Variants in IGSF21 observed in about 807,000 individuals in gnomAD.
The protein encoded by IGSF21 is immunoglobulin superfamily member 21.
Under a neutral mutation model 46.8 loss-of-function variants are expected in IGSF21, and 28 were observed. The ratio of observed to expected loss-of-function variants is 0.60; its 90% CI spans 0.44 to 0.82. The LOEUF (loss-of-function observed/expected upper bound fraction) is 0.82, where lower values mean the gene tolerates loss of function less well. Among genes scored for constraint, IGSF21 ranks in the 40% least tolerant of loss-of-function variants. The pLI is 0.00. For synonymous variants in IGSF21, 284 were observed against 273.6 expected (o/e 1.04, Z -0.38); for missense variants, 624 against 665.5 (o/e 0.94, Z 0.69).
intron 6 of IGSF21, among the ~76,000 whole-genome samples, chr1:18,371,028 T>C (rs2086218629): frequency 6.6e-6 from 1 of 152,208 alleles, no homozygotes; most frequent in Non-Finnish European, 1.5e-5. Context: ...CTTACAAAGA[T>C]AAAAATATTT....
chr1:18,359,207 G>A (rs1048529304), intron 4 of IGSF21, among the ~76,000 whole-genome samples: 2 of 151,342 alleles, frequency 1.3e-5, no homozygotes, highest in African/African-American at 4.9e-5. Context: ...GAGCCCAGGA[G>A]GTCAAGGCTG....
chr1:18,124,722 A>G (rs2086261345), intron 1 of IGSF21, among the ~76,000 whole-genome samples: 1 of 152,086 alleles, frequency 6.6e-6, no homozygotes, highest in African/African-American at 2.4e-5. Flanking sequence ...TGGCCTCGTT[A>G]TTATTATTAC....
At position 18,365,314 on chromosome 1, in the gene IGSF21, C is replaced by T; in HGVS notation, c.632C>T (p.Pro211Leu). 1 of 1,614,120 alleles carries T rather than the reference C, an allele frequency of 6.2e-7. No individual in the cohort carries two copies. Residue 211 changes from proline (P) to leucine (L), a missense_variant, in exon 6 of 10, where the codon CCC (proline) becomes CTC (leucine). By Grantham distance (98) the Pro-to-Leu change is moderately conservative. Coordinates refer to ENST00000251296, the MANE Select transcript of IGSF21 (RefSeq NM_032880.5). The surrounding 1 kb of genome is among the most constrained non-coding windows in gnomAD (Gnocchi z 4.8). Reference sequence around the variant, plus strand: ...TCCGGCCCCCTACAGGACAGCAGGCCCTTCCGCAGCCTTCTGCACCGTGAC... The same window carrying T: ...TCCGGCCCCCTACAGGACAGCAGGCTCTTCCGCAGCCTTCTGCACCGTGAC... ...ASSGPLQDSR[P>L]FRSLLHRDLD...
In IGSF21 at chr1:18,337,005, A is replaced by T. The variant is rs2085775366; in HGVS notation, c.424+1995A>T. Among the ~76,000 whole-genome samples the T allele has an allele frequency of 1.3e-5, 2 of 152,208 alleles. No homozygotes were observed. Among genetic ancestry groups the T allele is most frequent in the Non-Finnish European group, 2.9e-5 (2 of 68,028 alleles). On this transcript the variant is annotated intron_variant, in intron 4 of 9. Transcript: ENST00000251296. The surrounding 1 kb of genome is among the most constrained non-coding windows in gnomAD (Gnocchi z 5.7). ...AAAGACCGACCCCTATGATTCAGTT[A>T]TCTCCCACTAGGTCCCTCCTACAAC... is the stretch of plus-strand genomic sequence containing the variant.
At chr1:18,360,982 T>G (rs527528675) in intron 4 of IGSF21, among the ~76,000 whole-genome samples, 17 of 152,174 alleles carry the variant, frequency 1.1e-4, no homozygotes, top group Admixed American at 5.9e-4. Flanking sequence ...CCACGGTGTC[T>G]GGGAGCAAGG....
intron 2 of IGSF21, among the ~76,000 whole-genome samples, chr1:18,256,627 C>T (rs1266905776): frequency 6.6e-6 from 1 of 152,178 alleles, no homozygotes; most frequent in Admixed American, 6.5e-5. Flanking sequence ...GTCTGACATT[C>T]TGAATCCACG....
At chr1:18,319,818 A>G (rs1279082098) in intron 3 of IGSF21, among the ~76,000 whole-genome samples, 2 of 152,032 alleles carry the variant, frequency 1.3e-5, no homozygotes, top group Non-Finnish European at 1.5e-5. Flanking sequence ...AGCACTCCCT[A>G]TCCCTGTCCT....
chr1:18,124,930 A>G (rs2086263486), intron 1 of IGSF21, among the ~76,000 whole-genome samples: 1 of 152,138 alleles, frequency 6.6e-6, no homozygotes, highest in Non-Finnish European at 1.5e-5. Flanking sequence ...GTGACCAGGG[A>G]GATGTCATCC....
At chr1:18,317,345 G>A (rs1190464713) in intron 3 of IGSF21, among the ~76,000 whole-genome samples, 3 of 152,120 alleles carry the variant, frequency 2.0e-5, no homozygotes, top group Non-Finnish European at 4.4e-5. Context: ...CAGATTAAGA[G>A]ACATTGCACA....
chr1:18,341,652 G>A (rs1243372609), intron 4 of IGSF21, among the ~76,000 whole-genome samples: 2 of 152,214 alleles, frequency 1.3e-5, no homozygotes, highest in African/African-American at 4.8e-5. Flanking sequence ...AAGAAATTGA[G>A]AGGTAATGTC....
chr1:18,214,825 C>G (rs1273834477), intron 1 of IGSF21, among the ~76,000 whole-genome samples: 1 of 152,184 alleles, frequency 6.6e-6, no homozygotes, highest in African/African-American at 2.4e-5. Context: ...CTTACTGCAA[C>G]TTTGCCTCCC....
rs1246035606 is a variant in IGSF21, at chr1:18,273,855, G to A, written c.184-18011G>A. On this transcript the variant is annotated intron_variant, in intron 2 of 9. Transcript: ENST00000251296. ...CTGGGACCTGAGATAGGAGCTGCCC[G>A]TGCTACCTCTCAGGCTCTATTAGGA... 6.6e-5 allele frequency among the ~76,000 whole-genome samples: 10 copies of A among 152,222 alleles called. No homozygotes were observed. In the South Asian group the frequency reaches 1.7e-3, roughly 25 times the overall value.
chr1:18,277,032 AAGAGAC>A (rs771122266), intron 2 of IGSF21, among the ~76,000 whole-genome samples: 34 of 152,260 alleles, frequency 2.2e-4, no homozygotes, highest in Non-Finnish European at 4.4e-4. Context: ...GTGTTGGGGA[AAGAGAC>A]AGGACTGAGA....
intron 1 of IGSF21, among the ~76,000 whole-genome samples, chr1:18,153,451 C>T (rs532975362): frequency 2.4e-4 from 36 of 152,300 alleles, no homozygotes; most frequent in Admixed American, 1.5e-3. Flanking sequence ...TCAAAAGGCC[C>T]CAGGCCTAGG....
intron 4 of IGSF21, among the ~76,000 whole-genome samples, chr1:18,350,629 G>A (rs955238725): frequency 2.0e-5 from 3 of 151,968 alleles, no homozygotes; most frequent in Non-Finnish European, 2.9e-5. Context: ...CCAATGTCAA[G>A]GGGAAAAAAA....
chr1:18,114,838 C>G (rs1243195865), intron 1 of IGSF21: 1 of 152,172 alleles, frequency 6.6e-6, no homozygotes, highest in East Asian at 1.9e-4. Context: ...ATCCTCAACC[C>G]ATTGCTGGAC....
intron 2 of IGSF21, among the ~76,000 whole-genome samples, chr1:18,235,817 G>T (rs956170872): frequency 1.3e-5 from 2 of 152,194 alleles, no homozygotes; most frequent in South Asian, 4.1e-4. Flanking sequence ...GGTTTGCAGA[G>T]GAGGTGAGAA....
At chr1:18,200,132 G>A (rs1570328903) in intron 1 of IGSF21, among the ~76,000 whole-genome samples, 1 of 152,294 alleles carries the variant, frequency 6.6e-6, no homozygotes, top group East Asian at 1.9e-4. Flanking sequence ...TCACATCCGG[G>A]CTCTTGCGTC....
intron 1 of IGSF21, among the ~76,000 whole-genome samples, chr1:18,203,106 C>T (rs1260220621): frequency 6.6e-6 from 1 of 152,140 alleles, no homozygotes; most frequent in African/African-American, 2.4e-5. Context: ...CTCTAGAGGA[C>T]ATCACAACTC....
Sources: allele counts gnomAD v4.1 joint callset (sites outside exome capture counted in the v4.1 genomes callset), GRCh38; gene constraint gnomAD v4.1.1; non-coding constraint Gnocchi (gnomAD v3.1); transcripts MANE v1.5; gene names NCBI Gene and HGNC (gene_info 2026-07-23, HGNC 2026-07-21).